CACNA2D3: variants seen among roughly 807,000 people sequenced by gnomAD.
CACNA2D3 encodes the protein voltage-dependent calcium channel subunit alpha-2/delta-3.
CACNA2D3 carries 60 observed loss-of-function variants against 160.6 expected under a neutral mutation model. The ratio of observed to expected loss-of-function variants is 0.37; its 90% CI spans 0.30 to 0.46. The LOEUF is 0.46. Ranked by LOEUF, CACNA2D3 falls within the 20% of genes least tolerant of loss-of-function variation. The pLI, the probability that CACNA2D3 is intolerant of heterozygous loss-of-function variation, is 1.00. For missense variants in CACNA2D3, 1,205 were observed against 1,365.0 expected (o/e 0.88, Z 1.85); for synonymous variants, 558 against 492.9 (o/e 1.13, Z -1.75).
chr3:54,951,077 C>CAA (rs1575401734), intron 27 of CACNA2D3, among the ~76,000 whole-genome samples: 1 of 151,992 alleles, frequency 6.6e-6, no homozygotes, highest in African/African-American at 2.4e-5. Flanking sequence ...TATATGCTGC[C>CAA]AAAAAAATCT....
intron 2 of CACNA2D3, among the ~76,000 whole-genome samples, chr3:54,196,432 C>T (rs1207315526): frequency 6.6e-6 from 1 of 152,122 alleles, no homozygotes; most frequent in African/African-American, 2.4e-5. Context: ...CACAGGGAAG[C>T]CGTTAAGTTA....
chr3:54,592,971 G>C (rs1205778111), intron 9 of CACNA2D3, among the ~76,000 whole-genome samples: 1 of 152,160 alleles, frequency 6.6e-6, no homozygotes, highest in South Asian at 2.1e-4. Flanking sequence ...CAGTTTGTGA[G>C]TGATACTGGG....
chr3:54,725,261 G>A (rs577454023), intron 11 of CACNA2D3, among the ~76,000 whole-genome samples: 66 of 152,324 alleles, frequency 4.3e-4, no homozygotes, highest in South Asian at 3.3e-3. Context: ...CAAAATTGAA[G>A]TGGTAATTAA....
intron 2 of CACNA2D3, among the ~76,000 whole-genome samples, chr3:54,314,775 C>A (rs1408523997): frequency 6.6e-6 from 1 of 152,212 alleles, no homozygotes; most frequent in South Asian, 2.1e-4. Context: ...TGGTGTCTAG[C>A]ACCCTGCCTG....
chr3:55,074,037 G>T (rs41277463), intron 37 of CACNA2D3, 77 bp from the exon 38 acceptor site: 4 of 1,247,702 alleles, frequency 3.2e-6, no homozygotes, highest in Admixed American at 3.4e-5. Context: ...CGTTAGAGAG[G>T]GGGAGAGAGG....
At chr3:55,036,490 C>T (rs529918861) in intron 35 of CACNA2D3, among the ~76,000 whole-genome samples, 7 of 151,068 alleles carry the variant, frequency 4.6e-5, no homozygotes, top group South Asian at 2.1e-4. Flanking sequence ...TTTTTTGAGA[C>T]GGAGTCTCAC....
intron 2 of CACNA2D3, among the ~76,000 whole-genome samples, chr3:54,165,562 T>C (rs114292211): frequency 7.5e-5 from 11 of 147,640 alleles, no homozygotes; most frequent in Admixed American, 4.8e-4. Context: ...CAGTGGCTCA[T>C]GCCTGTAATT....
At chr3:54,802,136 A>G (rs938955023) in intron 13 of CACNA2D3, among the ~76,000 whole-genome samples, 3 of 152,106 alleles carry the variant, frequency 2.0e-5, no homozygotes, top group Non-Finnish European at 4.4e-5. Context: ...CTCTTTCAAC[A>G]TCACCATAAT....
chr3:54,133,518 C>A (rs901939518), intron 2 of CACNA2D3, among the ~76,000 whole-genome samples: 2 of 152,206 alleles, frequency 1.3e-5, no homozygotes, highest in Non-Finnish European at 2.9e-5. Context: ...TTGGTGGAAA[C>A]TTCTCCACAC....
At chr3:54,976,160 C>T (rs1046292014) in intron 29 of CACNA2D3, among the ~76,000 whole-genome samples, 2 of 151,832 alleles carry the variant, frequency 1.3e-5, no homozygotes, top group African/African-American at 4.8e-5. Flanking sequence ...TCCCTAGACC[C>T]TACTGTGTCC....
chr3:54,929,339 C>A (rs1701122391), intron 27 of CACNA2D3, among the ~76,000 whole-genome samples: 1 of 152,144 alleles, frequency 6.6e-6, no homozygotes, highest in Non-Finnish European at 1.5e-5. Context: ...TTGTATGCTG[C>A]CAACTTCTGA....
At chr3:54,896,481 G>C (rs1700191331) in intron 25 of CACNA2D3, among the ~76,000 whole-genome samples, 1 of 152,104 alleles carries the variant, frequency 6.6e-6, no homozygotes, top group Non-Finnish European at 1.5e-5. Context: ...TTGTTTGCTT[G>C]GCTTCAGACT....
At chr3:54,126,317 A>G (rs1699590330) in intron 2 of CACNA2D3, among the ~76,000 whole-genome samples, 1 of 152,218 alleles carries the variant, frequency 6.6e-6, no homozygotes, top group African/African-American at 2.4e-5. Flanking sequence ...GAAAACTGCC[A>G]TTTTGGTAAC....
rs988100881 is a variant in CACNA2D3 at position 54,583,567 on chromosome 3, T to G, written c.963+1690T>G. 3.9e-5 allele frequency among the ~76,000 whole-genome samples: 6 copies of G among 152,320 alleles called. 1 individual carries two copies. The South Asian group carries it at 1.2e-3, about 32-fold the overall frequency. ...AGAAGTGTTTCTGATTTTTCAGATTTTGGAATATTTGCATTATACTTACGG... is the reference window on the plus strand; with the variant it reads ...AGAAGTGTTTCTGATTTTTCAGATTGTGGAATATTTGCATTATACTTACGG... On this transcript the variant is annotated intron_variant, in intron 9 of 37. Coordinates refer to ENST00000474759, the MANE Select transcript of CACNA2D3 (RefSeq NM_018398.3).
chr3:54,150,686 G>A (rs914411359), intron 2 of CACNA2D3, among the ~76,000 whole-genome samples: 2 of 152,198 alleles, frequency 1.3e-5, no homozygotes, highest in African/African-American at 4.8e-5. Context: ...CCCTGGAAGA[G>A]GCGTAAGTCA....
At chr3:55,016,077 G>A (rs370223888) in intron 34 of CACNA2D3, among the ~76,000 whole-genome samples, 4 of 152,302 alleles carry the variant, frequency 2.6e-5, no homozygotes, top group African/African-American at 9.6e-5. Flanking sequence ...GTATTCAGCA[G>A]GCATTTAATG....
chr3:54,856,720 G>C (rs748511315), intron 17 of CACNA2D3, among the ~76,000 whole-genome samples: 3 of 152,226 alleles, frequency 2.0e-5, no homozygotes, highest in Admixed American at 2.0e-4. Context: ...AGTCGGGAGA[G>C]GTACCTGCCT....
At chr3:54,164,200 AG>A (rs1700405263) in intron 2 of CACNA2D3, among the ~76,000 whole-genome samples, 1 of 152,146 alleles carries the variant, frequency 6.6e-6, no homozygotes, top group Non-Finnish European at 1.5e-5. Context: ...GGGAAATCAG[AG>A]GGTAGGCCCG....
chr3:54,330,905 C>T (rs559000751), intron 3 of CACNA2D3, among the ~76,000 whole-genome samples: 16 of 152,222 alleles, frequency 1.1e-4, no homozygotes, highest in Non-Finnish European at 2.1e-4. Flanking sequence ...GTGGTCCACA[C>T]GGGGGAATTA....
Sources: gnomAD v4.1 joint callset for allele counts (sites outside exome capture counted in the v4.1 genomes callset) on GRCh38, gnomAD v4.1.1 for gene constraint, MANE v1.5 for transcripts, NCBI Gene and HGNC (gene_info 2026-07-23, HGNC 2026-07-21) for gene names.